Variants in GPC5 observed in about 807,000 individuals in gnomAD.
The protein encoded by GPC5 is glypican 5.
GPC5 carries 47 observed loss-of-function variants against 53.9 expected under a neutral mutation model. The observed-to-expected ratio is 0.87, with a 90% CI of 0.69 to 1.11. GPC5 has a LOEUF of 1.11. GPC5 is among the 50% of genes most tolerant of loss of function. GPC5 has a pLI of 0.00. For missense variants in GPC5, 748 were observed against 713.1 expected (o/e 1.05, Z -0.56); for synonymous variants, 286 against 263.3 (o/e 1.09, Z -0.84).
chr13:92,375,698 C>T lies in GPC5; in HGVS notation c.1561+230709C>T, dbSNP rs530154018. Among the ~76,000 whole-genome samples, 15 of 152,278 alleles carry T rather than the reference C, an allele frequency of 9.9e-5. No homozygotes were observed. In the East Asian group the frequency reaches 2.7e-3, roughly 27 times the overall value. ...AGGGCAGGCTGTCAAAAACGGAAGG[C>T]TTGGACTCTCAAGCACAGGCTGAAG... On this transcript the variant is annotated intron_variant, in intron 7 of 7. Coordinates refer to ENST00000377067, the MANE Select transcript of GPC5 (RefSeq NM_004466.6).
intron 2 of GPC5, among the ~76,000 whole-genome samples, chr13:91,628,533 C>A (rs1374603346): frequency 1.3e-5 from 2 of 151,372 alleles, no homozygotes; most frequent in Non-Finnish European, 2.9e-5. Context: ...ATCTATCAAT[C>A]ATTTATCAGT....
intron 5 of GPC5, among the ~76,000 whole-genome samples, chr13:91,813,649 A>C (rs569081306): frequency 6.6e-6 from 1 of 152,148 alleles, no homozygotes; most frequent in African/African-American, 2.4e-5. Context: ...CGAGTATTGG[A>C]TATAACAGGG....
chr13:91,750,050 T>A (rs767151293), intron 4 of GPC5, among the ~76,000 whole-genome samples: 15 of 152,102 alleles, frequency 9.9e-5, no homozygotes, highest in Admixed American at 2.0e-4. Context: ...CCTCAATTGA[T>A]TCCGTCTGCC....
rs374139159 is a variant in GPC5 at position 91,466,964 on chromosome 13, C to T, written c.325+18042C>T. The stretch of plus-strand genomic sequence containing the variant: ...CACTGTACCATTTTCAGGCAGTCCC[C>T]GCTTTGCACAATTTTGGGTTAATTG... On this transcript the variant is annotated intron_variant, in intron 2 of 7. Transcript: ENST00000377067. 2.8e-4 allele frequency among the ~76,000 whole-genome samples: 43 copies of T among 152,186 alleles called. No individual in the cohort carries two copies. The South Asian group carries it at 7.9e-3, about 28-fold the overall frequency.
At chr13:92,368,650 A>AC (rs1421400884) in intron 7 of GPC5, among the ~76,000 whole-genome samples, 3 of 151,466 alleles carry the variant, frequency 2.0e-5, no homozygotes, top group African/African-American at 4.8e-5. Context: ...AAAAAAAAAA[A>AC]AAAAAAAAAA....
At chr13:92,132,209 A>G (rs2041749955) in intron 6 of GPC5, among the ~76,000 whole-genome samples, 2 of 152,184 alleles carry the variant, frequency 1.3e-5, no homozygotes, top group African/African-American at 4.8e-5. Context: ...AAGAAAATTA[A>G]TGAGGCATAA....
chr13:92,287,287 A>C lies in GPC5; in HGVS notation c.1561+142298A>C, dbSNP rs564910470. 2.9e-4 allele frequency among the ~76,000 whole-genome samples: 44 copies of C among 152,306 alleles called. No homozygotes were observed. In the South Asian group the frequency reaches 8.5e-3, roughly 29 times the overall value. On this transcript the variant is annotated intron_variant, in intron 7 of 7. Transcript: ENST00000377067. ...TGTTTTATGGATAAACATATGGTCT[A>C]TTCCAGAGAATGTTCCTTGTACACT...
chr13:92,531,369 A>C (rs1333320270), intron 7 of GPC5, among the ~76,000 whole-genome samples: 5 of 151,998 alleles, frequency 3.3e-5, no homozygotes, highest in Admixed American at 2.6e-4. Context: ...GGATTGCTAC[A>C]ATGAATATAT....
Position 91,664,973 on chromosome 13 carries a change from C to A in GPC5, c.326-28214C>A, listed in dbSNP as rs72643234. On this transcript the variant is annotated intron_variant, in intron 2 of 7. Transcript: ENST00000377067. Reference sequence around the variant, plus strand: ...GTAGTTAATTGGTATTTTGATTGAACCATCAGAAGAATAAAAATGCCTATG... The same window carrying A: ...GTAGTTAATTGGTATTTTGATTGAAACATCAGAAGAATAAAAATGCCTATG... Among the ~76,000 whole-genome samples the A allele has an allele frequency of 2.1e-3, 324 of 152,214 alleles. 1 individual carries two copies. Among genetic ancestry groups the A allele is most frequent in the Admixed American group, 7.4e-3 (113 of 15,288 alleles).
intron 7 of GPC5, among the ~76,000 whole-genome samples, chr13:92,721,958 C>T (rs971139329): frequency 2.0e-5 from 3 of 151,984 alleles, no homozygotes; most frequent in African/African-American, 7.2e-5. Flanking sequence ...AGATGGGCAC[C>T]TAGCTGAATC....
chr13:91,653,137 A>G (rs527994342), intron 2 of GPC5, among the ~76,000 whole-genome samples: 1 of 152,336 alleles, frequency 6.6e-6, no homozygotes, highest in Admixed American at 6.5e-5. Flanking sequence ...CAAAAAGATG[A>G]CAACTCCAGT....
intron 7 of GPC5, among the ~76,000 whole-genome samples, chr13:92,625,739 C>A (rs554328114): frequency 1.3e-5 from 2 of 152,126 alleles, no homozygotes; most frequent in Non-Finnish European, 2.9e-5. Flanking sequence ...TGCTACTTGC[C>A]TTTTTTCATC....
Position 91,778,182 on chromosome 13 carries a change from AG to A in GPC5, c.1280+21764del, listed in dbSNP as rs149791586. 4.0e-4 allele frequency among the ~76,000 whole-genome samples: 61 copies of A among 152,342 alleles called. 1 individual carries two copies. The East Asian group carries it at 0.01, about 26-fold the overall frequency. Reference sequence around the variant, plus strand: ...GCCTCGGCTGTGAAAAAAACTTAATAGGTGGCCAAATTTAGACTTTTGTTCT... The same window carrying A: ...GCCTCGGCTGTGAAAAAAACTTAATAGTGGCCAAATTTAGACTTTTGTTCT... On this transcript the variant is annotated intron_variant, in intron 5 of 7. Coordinates refer to ENST00000377067, the MANE Select transcript of GPC5 (RefSeq NM_004466.6).
chr13:91,834,300 C>T (rs766616867), intron 5 of GPC5, among the ~76,000 whole-genome samples: 4 of 152,032 alleles, frequency 2.6e-5, no homozygotes, highest in Admixed American at 6.6e-5. Flanking sequence ...GAATTTATAT[C>T]GTGAAAAGGG....
intron 2 of GPC5, among the ~76,000 whole-genome samples, chr13:91,528,177 C>T (rs566426802): frequency 6.6e-6 from 1 of 152,308 alleles, no homozygotes; most frequent in South Asian, 2.1e-4. Context: ...ATTTTCCAAA[C>T]TTTTATGCTC....
intron 7 of GPC5, among the ~76,000 whole-genome samples, chr13:92,855,146 C>T (rs1206735636): frequency 1.3e-5 from 2 of 151,948 alleles, no homozygotes; most frequent in African/African-American, 4.8e-5. Flanking sequence ...AAACACAACT[C>T]CTATCAAACT....
At chr13:92,133,647 G>C (rs1446410432) in intron 6 of GPC5, among the ~76,000 whole-genome samples, 1 of 152,008 alleles carries the variant, frequency 6.6e-6, no homozygotes, top group Non-Finnish European at 1.5e-5. Flanking sequence ...TATGCTTTTT[G>C]TTTCTTTTCT....
In GPC5 at chr13:92,195,134, A is replaced by G. The variant is rs2042248324; in HGVS notation, c.1561+50145A>G. Among the ~76,000 whole-genome samples, 3 of 152,214 alleles carry G rather than the reference A, an allele frequency of 2.0e-5. No homozygotes were observed. In the South Asian group the frequency reaches 6.2e-4, roughly 31 times the overall value. On this transcript the variant is annotated intron_variant, in intron 7 of 7. Transcript: ENST00000377067. ...CTGCATGGCCCTTCAAGATAAATCA[A>G]CATTATAATATTCAATATTAAGCTC...
chr13:91,480,258 G>T (rs1366607608), intron 2 of GPC5, among the ~76,000 whole-genome samples: 1 of 152,156 alleles, frequency 6.6e-6, no homozygotes, highest in Non-Finnish European at 1.5e-5. Flanking sequence ...AGATAGCTCC[G>T]CTATGGACAG....
Sources: allele counts gnomAD v4.1 joint callset (sites outside exome capture counted in the v4.1 genomes callset), GRCh38; gene constraint gnomAD v4.1.1; transcripts MANE v1.5; gene names NCBI Gene and HGNC (gene_info 2026-07-23, HGNC 2026-07-21).